The following IGSF10 variants were observed in gnomAD, a reference collection of about 807,000 sequenced individuals.
IGSF10 encodes the protein immunoglobulin superfamily member 10, also known as calvaria mechanical force protein 608.
In IGSF10, 126 loss-of-function variants were observed where a neutral mutation model predicts 128.2. The ratio of observed to expected loss-of-function variants is 0.98; its 90% CI spans 0.85 to 1.14. The LOEUF (loss-of-function observed/expected upper bound fraction) is 1.14, where lower values mean the gene tolerates loss of function less well. Among genes scored for constraint, IGSF10 ranks in the 50% most tolerant of loss-of-function variants. The pLI is 0.00. For synonymous variants in IGSF10, 1,185 were observed against 1,146.2 expected (o/e 1.03, Z -0.68); for missense variants, 3,295 against 3,149.8 (o/e 1.05, Z -1.10).
At chr3:151,479,132 A>AGGAGTTGAAAGAGCT in the IGSF10 span, among the ~76,000 whole-genome samples, 1 of 152,190 alleles carries the variant, frequency 6.6e-6, no homozygotes, top group African/African-American at 2.4e-5. Context: ...TCCCAGTTGT[A>AGGAGTTGAAAGAGCT]GGAGTTGAAA....
chr3:151,496,139 G>A, the IGSF10 span, among the ~76,000 whole-genome samples: 1 of 151,936 alleles, frequency 6.6e-6, no homozygotes. Context: ...GTATGTACAC[G>A]TGGTTTCAGC....
the IGSF10 span, among the ~76,000 whole-genome samples, chr3:151,516,505 G>T: frequency 2.0e-5 from 3 of 152,194 alleles, no homozygotes; most frequent in South Asian, 6.2e-4. Context: ...GGAAGATGAA[G>T]GCCCAATGTA....
the IGSF10 span, among the ~76,000 whole-genome samples, chr3:151,573,606 T>G: frequency 2.6e-5 from 4 of 152,222 alleles, no homozygotes; most frequent in African/African-American, 7.2e-5. Context: ...TTCCTTAATT[T>G]TGAGCCTATG....
Position 151,445,528 on chromosome 3 carries a change from C to G in IGSF10, c.4453G>C (p.Ala1485Pro). ...VPISPPFTQRAVTDNVATPIS... is the reference protein window; with the variant it reads ...VPISPPFTQRPVTDNVATPIS... ...GGAGTCGCCACGTTGTCAGTAACTG[C>G]TCTCTGAGTAAAGGGAGGGGAGATG... Residue 1485 changes from alanine (A) to proline (P), a missense_variant, in exon 6 of 8, where the codon GCA becomes CCA. Transcript: ENST00000282466. The G allele has an allele frequency of 6.2e-7, 1 of 1,614,136 alleles. No homozygotes were observed. The highest frequency in any genetic ancestry group is 8.5e-7 in the Non-Finnish European group (1 of 1,179,976).
At chr3:151,467,869 G>C in the IGSF10 span, among the ~76,000 whole-genome samples, 2 of 146,264 alleles carry the variant, frequency 1.4e-5, no homozygotes, top group South Asian at 4.3e-4. Flanking sequence ...GGGCGACAGC[G>C]AGACTCCATC....
In IGSF10 at chr3:151,445,323, G is replaced by A. The variant is rs778934816; in HGVS notation, c.4658C>T (p.Pro1553Leu). 7 of 1,614,204 alleles carry A rather than the reference G, an allele frequency of 4.3e-6. No individual in the cohort carries two copies. The South Asian group carries it at 6.6e-5, about 15-fold the overall frequency. The stretch of plus-strand genomic sequence containing the variant: ...CTGTGATTTAACTGTTGTTAGTGCT[G>A]GCATGGGAGTAGAATGTAACAGATT... ...YSNLLHSTPMPALTTVKSQNS... is the reference protein window; with the variant it reads ...YSNLLHSTPMLALTTVKSQNS... Residue 1553 changes from proline to leucine, a missense_variant, in exon 6 of 8, where the codon CCA becomes CTA. By Grantham distance (98) the Pro-to-Leu change is moderately conservative. Coordinates refer to ENST00000282466, the MANE Select transcript of IGSF10 (RefSeq NM_178822.5).
the IGSF10 span, among the ~76,000 whole-genome samples, chr3:151,574,347 G>A: frequency 0.013 from 1,962 of 152,230 alleles, 50 homozygotes; most frequent in African/African-American, 0.045. Flanking sequence ...GTCACATTCA[G>A]GTACACCAAT....
chr3:151,558,575 G>A, the IGSF10 span, among the ~76,000 whole-genome samples: 7 of 151,334 alleles, frequency 4.6e-5, no homozygotes, highest in African/African-American at 1.2e-4. Flanking sequence ...GTGCAGTGGC[G>A]TGATCTCAGC....
chr3:151,463,523 GTTTTTTTTTTTTTTTTTTTTT>G (rs745415781), upstream of IGSF10, among the ~76,000 whole-genome samples: 6 of 31,290 alleles, frequency 1.9e-4, 1 homozygote, highest in African/African-American at 4.9e-4. Flanking sequence ...ACATTTTCTG[GTTTTTTTTTTTTTTTTTTTTT>G]TTTTTTTTTT....
chr3:151,446,533 T>G lies in IGSF10; in HGVS notation c.3448A>C (p.Ile1150Leu). The part of the protein sequence containing the change: ...GAVMTYAPTS[I>L]PMEKTHKVNA... ...ACTTTGTGAGTTTTTTCCATGGGTA[T>G]GGATGTTGGAGCATATGTCATGACT... The change falls in exon 6 of 8, where the codon ATA (isoleucine) becomes CTA (leucine). Residue 1150 changes from isoleucine (I) to leucine (L), a missense_variant. Ile to Leu is a conservative substitution (Grantham distance 5). Coordinates refer to ENST00000282466, the MANE Select transcript of IGSF10 (RefSeq NM_178822.5). 6.2e-7 allele frequency: 1 copy of G among 1,614,152 alleles called. No homozygotes were observed. The highest frequency in any genetic ancestry group is 1.3e-5 in the African/African-American group (1 of 75,054).
chr3:151,614,828 A>C, the IGSF10 span, among the ~76,000 whole-genome samples: 1 of 152,090 alleles, frequency 6.6e-6, no homozygotes, highest in African/African-American at 2.4e-5. Flanking sequence ...TAATAATAAT[A>C]AAATAAAAAA....
the IGSF10 span, among the ~76,000 whole-genome samples, chr3:151,537,362 A>G: frequency 2.0e-5 from 3 of 152,210 alleles, no homozygotes; most frequent in Admixed American, 2.0e-4. Flanking sequence ...AGAGAATAAC[A>G]AGCTATTGAT....
At chr3:151,558,005 A>AATATATATATAATATATATATT in the IGSF10 span, among the ~76,000 whole-genome samples, 2 of 39,540 alleles carry the variant, frequency 5.1e-5, no homozygotes, top group African/African-American at 2.4e-4. Flanking sequence ...AAGTATATAT[A>AATATATATATAATATATATATT]ATATATATAT....
At chr3:151,563,193 G>A in the IGSF10 span, among the ~76,000 whole-genome samples, 81 of 152,054 alleles carry the variant, frequency 5.3e-4, no homozygotes, top group African/African-American at 1.8e-3. Context: ...CTCACCCTGC[G>A]GCCCTCTAGG....
At chr3:151,528,711 G>C in the IGSF10 span, among the ~76,000 whole-genome samples, 1 of 152,152 alleles carries the variant, frequency 6.6e-6, no homozygotes, top group Non-Finnish European at 1.5e-5. Flanking sequence ...CAGACCAGGA[G>C]ATTCCCTCTG....
rs139139575 is a variant in IGSF10 at position 151,448,340 on chromosome 3, G to A, written c.1641C>T (p.Gly547=). The change falls in exon 6 of 8, where the codon GGC becomes GGT. Residue 547 remains glycine (G), a synonymous_variant. Transcript: ENST00000282466. The part of the protein sequence containing the change: ...ELQMADSFDT[G]VYHCISSNYD... ...AATTGCTGCTTATACAGTGATATAC[G>A]CCTGTGTCAAAACTATCAGCCATCT... 9.9e-6 allele frequency: 16 copies of A among 1,613,928 alleles called. No homozygotes were observed. The highest frequency in any genetic ancestry group is 6.7e-5 in the African/African-American group (5 of 74,898).
chr3:151,588,482 AC>A, the IGSF10 span, among the ~76,000 whole-genome samples: 6 of 152,178 alleles, frequency 3.9e-5, no homozygotes, highest in Non-Finnish European at 8.8e-5. Flanking sequence ...TTATGTGCAT[AC>A]AGAGAATCTT....
the IGSF10 span, among the ~76,000 whole-genome samples, chr3:151,617,200 C>T: frequency 1.4e-5 from 1 of 70,094 alleles, no homozygotes. Flanking sequence ...CTCCTTCTTT[C>T]CTCCTCCTCC....
intron 3 of IGSF10, among the ~76,000 whole-genome samples, chr3:151,457,699 A>T (rs1721862691): frequency 6.6e-6 from 1 of 152,100 alleles, no homozygotes; most frequent in Admixed American, 6.5e-5. Context: ...AAATAATAGA[A>T]CTCACTCCAA....
Sources: allele counts gnomAD v4.1 joint callset (sites outside exome capture counted in the v4.1 genomes callset), GRCh38; gene constraint gnomAD v4.1.1; transcripts MANE v1.5; gene names NCBI Gene and HGNC (gene_info 2026-07-23, HGNC 2026-07-21).